Variants in TMEM178B observed in about 807,000 individuals in gnomAD.
TMEM178B encodes the protein transmembrane protein 178B.
TMEM178B carries 5 observed loss-of-function variants against 31.0 expected under a neutral mutation model. The observed-to-expected ratio is 0.16, with a 90% confidence interval of 0.08 to 0.34. TMEM178B has a LOEUF of 0.34. Ranked by LOEUF, TMEM178B falls within the 10% of genes least tolerant of loss-of-function variation. The pLI is 1.00. For missense variants in TMEM178B, 275 were observed against 400.3 expected (o/e 0.69, Z 2.67); for synonymous variants, 164 against 164.0 (o/e 1.00, Z 0.00).
At chr7:141,183,513 A>C (rs1360496320) in intron 1 of TMEM178B, among the ~76,000 whole-genome samples, 1 of 152,316 alleles carries the variant, frequency 6.6e-6, no homozygotes, top group East Asian at 1.9e-4. Context: ...TTCTGATTTC[A>C]AACAATTTAG....
chr7:141,092,408 T>A (rs1292939273), intron 1 of TMEM178B, among the ~76,000 whole-genome samples: 2 of 152,154 alleles, frequency 1.3e-5, no homozygotes, highest in African/African-American at 4.8e-5. Flanking sequence ...ACACTTACAG[T>A]CTACCTGTGC....
At chr7:141,254,806 G>T (rs1257704817) in intron 2 of TMEM178B, among the ~76,000 whole-genome samples, 1 of 152,200 alleles carries the variant, frequency 6.6e-6, no homozygotes, top group Non-Finnish European at 1.5e-5. Flanking sequence ...GATTTTCAGT[G>T]TACACAGTTC....
At chr7:141,328,671 G>A (rs1370820521) in intron 2 of TMEM178B, among the ~76,000 whole-genome samples, 2 of 152,210 alleles carry the variant, frequency 1.3e-5, no homozygotes, top group African/African-American at 4.8e-5. Context: ...CTCAGAAGAC[G>A]TTGAAGCTGT....
the TMEM178B span, among the ~76,000 whole-genome samples, chr7:141,494,716 C>T: frequency 6.6e-6 from 1 of 152,016 alleles, no homozygotes; most frequent in Non-Finnish European, 1.5e-5. Flanking sequence ...CCAGCCTGGG[C>T]AATGTAGTAA....
chr7:141,214,162 T>C (rs948666079), intron 2 of TMEM178B, among the ~76,000 whole-genome samples: 11 of 152,256 alleles, frequency 7.2e-5, no homozygotes, highest in Non-Finnish European at 1.5e-4. Context: ...TGTATTGGTC[T>C]AATATAGTCC....
chr7:141,425,041 C>T (rs756495428), intron 2 of TMEM178B, among the ~76,000 whole-genome samples: 13 of 152,176 alleles, frequency 8.5e-5, no homozygotes, highest in Non-Finnish European at 1.8e-4. Flanking sequence ...TCTCAATTTC[C>T]AAACCTACAA....
At chr7:141,359,592 C>G (rs971473991) in intron 2 of TMEM178B, among the ~76,000 whole-genome samples, 1 of 152,160 alleles carries the variant, frequency 6.6e-6, no homozygotes, top group Non-Finnish European at 1.5e-5. Context: ...ATTACAGGCT[C>G]GATCAGCCAT....
chr7:141,213,800 C>T (rs1389054298), intron 2 of TMEM178B, among the ~76,000 whole-genome samples: 4 of 152,174 alleles, frequency 2.6e-5, no homozygotes, highest in African/African-American at 9.7e-5. Context: ...ACAGAACAAT[C>T]ATTCATTGGT....
intron 3 of TMEM178B, among the ~76,000 whole-genome samples, chr7:141,441,905 T>C (rs1347655518): frequency 6.6e-6 from 1 of 152,036 alleles, no homozygotes; most frequent in African/African-American, 2.4e-5. Context: ...GAGGAGATGA[T>C]TAATTAAGTA....
At chr7:141,487,289 T>C in the TMEM178B span, among the ~76,000 whole-genome samples, 4 of 152,100 alleles carry the variant, frequency 2.6e-5, no homozygotes, top group Admixed American at 6.5e-5. Flanking sequence ...CTGAGACTGG[T>C]ATTCAAGTAT....
chr7:141,267,380 A>G (rs113481303), intron 2 of TMEM178B, among the ~76,000 whole-genome samples: 1,960 of 152,338 alleles, frequency 0.013, 53 homozygotes, highest in African/African-American at 0.044. Context: ...AAGAGAGGAC[A>G]TTGCCTAATT....
intron 2 of TMEM178B, among the ~76,000 whole-genome samples, chr7:141,227,322 T>C (rs1797361346): frequency 6.6e-6 from 1 of 152,202 alleles, no homozygotes; most frequent in Non-Finnish European, 1.5e-5. Context: ...TGAGTTTCTC[T>C]CACTTACCAG....
At chr7:141,439,572 G>GC (rs1224824411) in intron 3 of TMEM178B, among the ~76,000 whole-genome samples, 3 of 152,036 alleles carry the variant, frequency 2.0e-5, no homozygotes, top group Admixed American at 6.6e-5. Flanking sequence ...ATCTTATGTA[G>GC]CCCCCCAAAA....
At chr7:141,374,221 A>G (rs1405138376) in intron 2 of TMEM178B, among the ~76,000 whole-genome samples, 1 of 152,168 alleles carries the variant, frequency 6.6e-6, no homozygotes, top group Admixed American at 6.5e-5. Context: ...TTGATTTGAA[A>G]TCAGCATTTA....
At chr7:141,368,567 T>G (rs570924855) in intron 2 of TMEM178B, among the ~76,000 whole-genome samples, 1 of 152,318 alleles carries the variant, frequency 6.6e-6, no homozygotes, top group South Asian at 2.1e-4. Context: ...ATATGAAACA[T>G]AAAGACTGAA....
chr7:141,124,117 A>G (rs1351121557), intron 1 of TMEM178B, among the ~76,000 whole-genome samples: 1 of 151,456 alleles, frequency 6.6e-6, no homozygotes, highest in African/African-American at 2.4e-5. Context: ...CTGTAATCCC[A>G]GTACTTTGGG....
intron 3 of TMEM178B, among the ~76,000 whole-genome samples, chr7:141,442,632 T>C (rs939303499): frequency 6.6e-6 from 1 of 152,230 alleles, no homozygotes; most frequent in Non-Finnish European, 1.5e-5. Flanking sequence ...GTGATCTGAC[T>C]GCTTTGCACA....
the TMEM178B span, among the ~76,000 whole-genome samples, chr7:141,494,735 C>T: frequency 6.6e-6 from 1 of 152,128 alleles, no homozygotes; most frequent in Non-Finnish European, 1.5e-5. Context: ...AAAACCTCGT[C>T]TCTAAGACAA....
At chr7:141,250,471 T>C (rs946428081) in intron 2 of TMEM178B, among the ~76,000 whole-genome samples, 7 of 152,132 alleles carry the variant, frequency 4.6e-5, no homozygotes, top group Non-Finnish European at 8.8e-5. Context: ...CTCCGTGTAA[T>C]TGGGACAGGA....
Sources: gnomAD v4.1 joint callset for allele counts (sites outside exome capture counted in the v4.1 genomes callset) on GRCh38, gnomAD v4.1.1 for gene constraint, MANE v1.5 for transcripts, NCBI Gene and HGNC (gene_info 2026-07-23, HGNC 2026-07-21) for gene names.